Variants in NLRP1 observed in about 807,000 individuals in gnomAD.
The protein encoded by NLRP1 is NACHT, LRR and PYD domains-containing protein 1.
NLRP1 carries 94 observed loss-of-function variants against 136.7 expected under a neutral mutation model. That is an observed-to-expected ratio of 0.69 (90% confidence interval 0.58 to 0.82). NLRP1 has a LOEUF of 0.82. Ranked by LOEUF, NLRP1 falls within the 40% of genes least tolerant of loss-of-function variation. The probability of loss-of-function intolerance (pLI) is 0.00; values close to 1 mark genes in which losing one functional copy is unlikely to be tolerated. For missense variants in NLRP1, 1,575 were observed against 1,802.7 expected, an observed-to-expected ratio of 0.87 and a Z score of 2.29; for synonymous variants, 690 against 725.1, an observed-to-expected ratio of 0.95 and a Z score of 0.78.
intron 3 of NLRP1, among the ~76,000 whole-genome samples, chr17:5,572,868 C>T (rs138289843): frequency 0.015 from 2,247 of 152,298 alleles, 47 homozygotes; most frequent in African/African-American, 0.052. Flanking sequence ...GGAACAGCTC[C>T]GGTCTACAAC....
chr17:5,579,218 A>G (rs1905319844), intron 3 of NLRP1, among the ~76,000 whole-genome samples: 2 of 151,884 alleles, frequency 1.3e-5, no homozygotes, highest in African/African-American at 4.8e-5. Flanking sequence ...CATGTAACAA[A>G]CCTGCATGTT....
intron 3 of NLRP1, among the ~76,000 whole-genome samples, chr17:5,580,330 T>G (rs1248755150): frequency 6.6e-6 from 1 of 152,154 alleles, no homozygotes; most frequent in Non-Finnish European, 1.5e-5. Context: ...GCTTATTACC[T>G]GGGCGACAAG....
chr17:5,549,318 A>T (rs1342167768), intron 5 of NLRP1, among the ~76,000 whole-genome samples: 1 of 149,214 alleles, frequency 6.7e-6, no homozygotes, highest in African/African-American at 2.5e-5. Flanking sequence ...TCCCTTTGTC[A>T]CCCAGGTTGG....
chr17:5,541,972 T>A lies in NLRP1; in HGVS notation c.2584A>T (p.Arg862Ter). The A allele has an allele frequency of 6.2e-7, 1 of 1,614,140 alleles. No individual in the cohort carries two copies. The highest frequency in any genetic ancestry group is 8.5e-7 in the Non-Finnish European group (1 of 1,180,010). The part of the protein sequence containing the change: ...EDCKDLAFGL[R>*]ANQTLTELDL... ...AGCTCGGTCAGGGTCTGGTTGGCTCTCAGCCCAAAGGCAAGGTCCTTGCAG... is the reference window on the plus strand; with the variant it reads ...AGCTCGGTCAGGGTCTGGTTGGCTCACAGCCCAAAGGCAAGGTCCTTGCAG... Residue 862 changes from arginine to a stop codon, truncating the protein, a stop_gained, in exon 6 of 17, where the codon AGA becomes TGA. Coordinates refer to ENST00000572272, the MANE Select transcript of NLRP1 (RefSeq NM_033004.4). LOFTEE classifies it high-confidence loss of function. The surrounding 1 kb of genome is among the most constrained non-coding windows in gnomAD (Gnocchi z 4.2).
chr17:5,575,386 G>A (rs186044462), intron 3 of NLRP1, among the ~76,000 whole-genome samples: 34 of 152,190 alleles, frequency 2.2e-4, no homozygotes, highest in Middle Eastern at 6.8e-3. Context: ...CCCATCTCAC[G>A]TGCAAAGACA....
In NLRP1 at chr17:5,581,993, G is replaced by T; in HGVS notation, c.518C>A (p.Ser173Ter). Residue 173 changes from serine to a stop codon, truncating the protein, a stop_gained, in exon 3 of 17, where the codon TCA becomes TAA. Coordinates refer to ENST00000572272, the MANE Select transcript of NLRP1 (RefSeq NM_033004.4). LOFTEE classifies it high-confidence loss of function. Reference sequence around the variant, plus strand: ...TGCTGTGGATGTGGGGGCGTTGGGTGACTCCTGGCTTGGAGACTCATGGTC... The same window carrying T: ...TGCTGTGGATGTGGGGGCGTTGGGTTACTCCTGGCTTGGAGACTCATGGTC... ...SPDHESPSQE[S>*]PNAPTSTAVL... The T allele has an allele frequency of 6.2e-7, 1 of 1,613,766 alleles. No homozygotes were observed. Among genetic ancestry groups the T allele is most frequent in the Non-Finnish European group, 8.5e-7 (1 of 1,179,878 alleles).
chr17:5,542,831 CCCTT>C (rs749675594), intron 5 of NLRP1, among the ~76,000 whole-genome samples: 247 of 150,688 alleles, frequency 1.6e-3, no homozygotes, highest in Non-Finnish European at 1.4e-3. Context: ...TTCCCTCCCT[CCCTT>C]CCTTCTTTCT....
intron 12 of NLRP1, among the ~76,000 whole-genome samples, chr17:5,523,742 A>T (rs1274428105): frequency 6.6e-6 from 1 of 152,178 alleles, no homozygotes; most frequent in African/African-American, 2.4e-5. Flanking sequence ...GCAACAAGGC[A>T]TCCAGCAAGC....
chr17:5,526,060 G>T (rs1226671804), intron 12 of NLRP1, among the ~76,000 whole-genome samples: 1 of 150,130 alleles, frequency 6.7e-6, no homozygotes, highest in African/African-American at 2.5e-5. Flanking sequence ...CTGTAGCCTT[G>T]ACCTTCCAGG....
chr17:5,570,802 C>T (rs1002319949), intron 3 of NLRP1, among the ~76,000 whole-genome samples: 4 of 152,030 alleles, frequency 2.6e-5, no homozygotes, highest in African/African-American at 9.7e-5. Context: ...GGCAGAGACA[C>T]AACAAAAGAA....
In NLRP1 at chr17:5,504,889, C is replaced by T. The variant is rs781383939; in HGVS notation, c.4070-3017G>A. ...AAATTCACAAAGGCCACTTTTAGCT[C>T]GAAGTGTTCATGCCCAGCTGAGGAA... is the stretch of plus-strand genomic sequence containing the variant. On this transcript the variant is annotated intron_variant, in intron 15 of 15. Coordinates refer to the NLRP1 transcript ENST00000262467. The surrounding 1 kb of genome is among the most constrained non-coding windows in gnomAD (Gnocchi z 4.4). The T allele has an allele frequency of 4.6e-4, 70 of 153,050 alleles. No individual in the cohort carries two copies. Among genetic ancestry groups the T allele is most frequent in the Non-Finnish European group, 9.1e-4 (62 of 68,216 alleles). The allele number at this position is 153,050 out of a possible 1,614,324, so 9.5% of individuals were successfully genotyped here.
intron 12 of NLRP1, among the ~76,000 whole-genome samples, chr17:5,526,935 C>T (rs78032180): frequency 0.016 from 2,407 of 152,290 alleles, 67 homozygotes; most frequent in African/African-American, 0.055. Flanking sequence ...ACCCGTTCAG[C>T]GACGACAGTG....
intron 5 of NLRP1, among the ~76,000 whole-genome samples, chr17:5,550,450 C>A (rs1196679054): frequency 6.6e-6 from 1 of 152,104 alleles, no homozygotes; most frequent in Non-Finnish European, 1.5e-5. Flanking sequence ...GAAGTTGGCT[C>A]ATTTCATCTG....
chr17:5,529,055 A>C (rs549289825), intron 12 of NLRP1, among the ~76,000 whole-genome samples: 3 of 152,232 alleles, frequency 2.0e-5, no homozygotes, highest in African/African-American at 7.2e-5. Context: ...TTGGCTGGGC[A>C]CAGTGGCTCA....
intron 5 of NLRP1, among the ~76,000 whole-genome samples, chr17:5,544,689 G>A (rs936083611): frequency 5.3e-5 from 8 of 152,212 alleles, no homozygotes; most frequent in African/African-American, 1.9e-4. Flanking sequence ...GCTCTGTATC[G>A]TAGTACCTTT....
At position 5,504,712 on chromosome 17, in the gene NLRP1, G is replaced by C. The variant is rs1907253549; in HGVS notation, c.4070-2840C>G. The C allele has an allele frequency of 6.6e-6, 1 of 152,374 alleles. No homozygotes were observed. The highest frequency in any genetic ancestry group is 6.5e-5 in the Admixed American group (1 of 15,284). The allele number at this position is 152,374 out of a possible 1,614,324, so 9.4% of individuals were successfully genotyped here. A position where few individuals can be genotyped will look rare whatever the true frequency, so the allele number is the denominator to read the frequency against. On this transcript the variant is annotated intron_variant, in intron 15 of 15. Coordinates refer to the NLRP1 transcript ENST00000262467. This position sits in a 1 kb window ranked among gnomAD's most constrained non-coding sequence, Gnocchi z 4.4. ...ACATCTCTCTGACCCAAGGGTAAGAGGTATACCTCCCAATCCCCTCAGCTA... is the reference window on the plus strand; with the variant it reads ...ACATCTCTCTGACCCAAGGGTAAGACGTATACCTCCCAATCCCCTCAGCTA...
chr17:5,560,102 A>C, intron 3 of NLRP1, 59 bp from the exon 4 acceptor site: 1 of 1,424,194 alleles, frequency 7.0e-7, no homozygotes, highest in Non-Finnish European at 9.3e-7. Flanking sequence ...TTAATTAATT[A>C]ATTAAACAAC....
rs140882346 is a variant in NLRP1, at chr17:5,516,659, T to G, written c.4057+1087A>C. Among the ~76,000 whole-genome samples the G allele has an allele frequency of 2.2e-4, 34 of 152,358 alleles. No homozygotes were observed. In the East Asian group the frequency reaches 6.4e-3, roughly 29 times the overall value. ...CATTCCTACAAATTAGTCATTATGA[T>G]CCTCTTTTTACAGACGAGGGACTCA... On this transcript the variant is annotated intron_variant, in intron 15 of 16. Coordinates refer to ENST00000572272, the MANE Select transcript of NLRP1 (RefSeq NM_033004.4).
rs140775485 is a variant in NLRP1 at position 5,521,286 on chromosome 17, C to T, written c.3783+238G>A. ...AATCCTTTGATTCCTGGACAGGGGC[C>T]GTAAGAAACTGTCCAAAGATCAGTG... is the stretch of plus-strand genomic sequence containing the variant. On this transcript the variant is annotated intron_variant, in intron 13 of 16. Coordinates refer to ENST00000572272, the MANE Select transcript of NLRP1 (RefSeq NM_033004.4). Among the ~76,000 whole-genome samples the T allele has an allele frequency of 7.2e-5, 11 of 152,166 alleles. No individual in the cohort carries two copies. The East Asian group carries it at 1.9e-3, about 27-fold the overall frequency.
Sources: gnomAD v4.1 joint callset for allele counts (sites outside exome capture counted in the v4.1 genomes callset) on GRCh38, gnomAD v4.1.1 for gene constraint, Gnocchi (gnomAD v3.1) non-coding constraint, MANE v1.5 for transcripts, NCBI Gene and HGNC (gene_info 2026-07-23, HGNC 2026-07-21) for gene names.